Variants in ITGA11 observed in about 807,000 individuals in gnomAD.
ITGA11 encodes the protein integrin alpha-11.
A neutral mutation model predicts 141.9 loss-of-function variants in ITGA11; 97 were observed. That is an observed-to-expected ratio of 0.68 (90% CI 0.58 to 0.81). The LOEUF (loss-of-function observed/expected upper bound fraction) is 0.81. ITGA11 is among the 30% of genes least tolerant of loss of function. ITGA11 has a pLI of 0.00. For synonymous variants in ITGA11, 658 were observed against 624.6 expected, an observed-to-expected ratio of 1.05 and a Z score of -0.80; for missense variants, 1,387 against 1,559.2, an observed-to-expected ratio of 0.89 and a Z score of 1.86.
Position 68,335,088 on chromosome 15 carries a change from T to C in ITGA11, c.1425+609A>G, listed in dbSNP as rs981529443. Among the ~76,000 whole-genome samples, 1 of 151,582 alleles carries C rather than the reference T, an allele frequency of 6.6e-6. No homozygotes were observed. Among genetic ancestry groups the C allele is most frequent in the African/African-American group, 2.4e-5 (1 of 41,280 alleles). The stretch of plus-strand genomic sequence containing the variant: ...AGCCGGCAGGGAGCTGGGGACAACA[T>C]GGAAGGGCCTGGACAGCACTCAGCT... On this transcript the variant is annotated intron_variant, in intron 12 of 29. Transcript: ENST00000315757. The surrounding 1 kb of genome is among the most constrained non-coding windows in gnomAD (Gnocchi z 4.9).
intron 2 of ITGA11, among the ~76,000 whole-genome samples, chr15:68,375,289 A>G (rs1165509635): frequency 3.3e-5 from 5 of 152,142 alleles, no homozygotes; most frequent in African/African-American, 7.2e-5. Context: ...TAGGGGCATC[A>G]GGGAGGGGTT....
chr15:68,361,473 C>G, intron 5 of ITGA11, 117 bp downstream of exon 5: 6 of 676,700 alleles, frequency 8.9e-6, no homozygotes, highest in Non-Finnish European at 1.3e-5. Flanking sequence ...AGAGCTGGGG[C>G]AGGACAGTGC....
chr15:68,354,502 A>T (rs1895010172), intron 7 of ITGA11, among the ~76,000 whole-genome samples: 1 of 152,142 alleles, frequency 6.6e-6, no homozygotes, highest in Admixed American at 6.5e-5. Context: ...TACATGGCTC[A>T]CTTCCCACCA....
intron 1 of ITGA11, among the ~76,000 whole-genome samples, chr15:68,414,339 C>T (rs1162132550): frequency 2.0e-5 from 3 of 152,118 alleles, no homozygotes; most frequent in Non-Finnish European, 2.9e-5. Context: ...GGGCAGAATG[C>T]TAAGGTCAAA....
intron 1 of ITGA11, among the ~76,000 whole-genome samples, chr15:68,422,201 C>T (rs529401330): frequency 1.2e-4 from 18 of 152,228 alleles, no homozygotes; most frequent in African/African-American, 3.6e-4. Context: ...ACTCCAAGTC[C>T]GACTACTCAC....
intron 1 of ITGA11, among the ~76,000 whole-genome samples, 190 bp downstream of exon 1, chr15:68,431,825 C>A (rs1897276139): frequency 6.6e-6 from 1 of 152,256 alleles, no homozygotes; most frequent in Admixed American, 6.5e-5. Context: ...GCCTTCGCAC[C>A]TCCCTCTTTA....
Position 68,351,324 on chromosome 15 carries a change from G to C in ITGA11, c.828C>G (p.Asp276Glu). 1 of 1,614,038 alleles carries C rather than the reference G, an allele frequency of 6.2e-7. No individual in the cohort carries two copies. Among genetic ancestry groups the C allele is most frequent in the Non-Finnish European group, 8.5e-7 (1 of 1,179,890 alleles). The change falls in exon 8 of 30, where the codon GAC becomes GAG. Residue 276 changes from aspartate (D) to glutamate (E), a missense_variant. Coordinates refer to ENST00000315757, the MANE Select transcript of ITGA11 (RefSeq NM_001004439.2). The stretch of plus-strand genomic sequence containing the variant: ...GGATCACCTTCTCCAGGTCTGGGCT[G>C]TCGTGGGACTCCCCATCTGTGATGA... Reference protein sequence around the residue: ...MIVITDGESHDSPDLEKVIQQ... With the variant: ...MIVITDGESHESPDLEKVIQQ...
intron 1 of ITGA11, among the ~76,000 whole-genome samples, chr15:68,420,575 A>G (rs963866101): frequency 2.6e-5 from 4 of 152,168 alleles, no homozygotes; most frequent in African/African-American, 9.7e-5. Flanking sequence ...ATGTATACCT[A>G]CCTAGTAGCC....
chr15:68,402,591 CA>C (rs1361121972), intron 2 of ITGA11, among the ~76,000 whole-genome samples: 1 of 152,090 alleles, frequency 6.6e-6, no homozygotes, highest in Non-Finnish European at 1.5e-5. Flanking sequence ...ACACCCCCAG[CA>C]GCTCTCCAGG....
In ITGA11 at chr15:68,332,524, G is replaced by A. The variant is rs199890246; in HGVS notation, c.1426-46C>T. 2.6e-5 allele frequency: 42 copies of A among 1,597,368 alleles called. No homozygotes were observed. The Admixed American group carries it at 4.4e-4, about 17-fold the overall frequency. On this transcript the variant is annotated intron_variant, in intron 12 of 29. Coordinates refer to ENST00000315757, the MANE Select transcript of ITGA11 (RefSeq NM_001004439.2). Reference sequence around the variant, plus strand: ...GAGGAGTGGGCTGGCTGCCCAGCTCGCACAACCCAGAGCCCTCGCCTCGCG... The same window carrying A: ...GAGGAGTGGGCTGGCTGCCCAGCTCACACAACCCAGAGCCCTCGCCTCGCG...
At chr15:68,398,991 A>G (rs981478921) in intron 2 of ITGA11, among the ~76,000 whole-genome samples, 4 of 151,936 alleles carry the variant, frequency 2.6e-5, no homozygotes, top group African/African-American at 9.7e-5. Flanking sequence ...CCCTAAATTT[A>G]TCCATAAAAT....
chr15:68,426,307 T>C (rs1361849451), intron 1 of ITGA11, among the ~76,000 whole-genome samples: 1 of 152,222 alleles, frequency 6.6e-6, no homozygotes, highest in African/African-American at 2.4e-5. Flanking sequence ...GAGCAGGTTC[T>C]GATTAGCGGA....
chr15:68,395,280 A>C (rs1290067218), intron 2 of ITGA11, among the ~76,000 whole-genome samples: 1 of 152,214 alleles, frequency 6.6e-6, no homozygotes, highest in Non-Finnish European at 1.5e-5. Context: ...CCTCCAAAGG[A>C]TCGCAGATCC....
chr15:68,361,347 T>C (rs1895238262), intron 5 of ITGA11, among the ~76,000 whole-genome samples: 1 of 152,162 alleles, frequency 6.6e-6, no homozygotes, highest in Non-Finnish European at 1.5e-5. Flanking sequence ...GAGGCTGGGA[T>C]TGTCTTTGAA....
Position 68,304,813 on chromosome 15 carries a change from T to C in ITGA11, c.3382-928A>G, listed in dbSNP as rs958912485. 6.6e-6 allele frequency among the ~76,000 whole-genome samples: 1 copy of C among 152,170 alleles called. No homozygotes were observed. Among genetic ancestry groups the C allele is most frequent in the African/African-American group, 2.4e-5 (1 of 41,432 alleles). The stretch of plus-strand genomic sequence containing the variant: ...ATGTATCCATCACTGACCCTAACTC[T>C]CACACCCACACGGAGCCCAGCAGCA... On this transcript the variant is annotated intron_variant, in intron 28 of 29. Coordinates refer to ENST00000315757, the MANE Select transcript of ITGA11 (RefSeq NM_001004439.2). The surrounding 1 kb of genome is among the most constrained non-coding windows in gnomAD (Gnocchi z 6.1).
chr15:68,313,817 G>A lies in ITGA11; in HGVS notation c.2844C>T (p.Arg948=). 6.2e-7 allele frequency: 1 copy of A among 1,614,008 alleles called. No homozygotes were observed. Among genetic ancestry groups the A allele is most frequent in the Middle Eastern group, 1.6e-4 (1 of 6,062 alleles). Residue 948 remains arginine, a synonymous_variant, in exon 23 of 30, where the codon CGC becomes CGT. Transcript: ENST00000315757. ...STKEDNVAPL[R]FHLKYEADVL... ...CGTCAGCCTCGTATTTGAGGTGGAA[G>A]CGTAAGGGGGCCACGTTGTCTTCCT...
chr15:68,366,872 C>T lies in ITGA11; in HGVS notation c.266-2074G>A, dbSNP rs556419760. ...GGAAGGACAGTGCCAGTGGTAGAGT[C>T]TTTCCCACAGAGGTGTGAATGGCTG... is the stretch of plus-strand genomic sequence containing the variant. On this transcript the variant is annotated intron_variant, in intron 3 of 29. Transcript: ENST00000315757. Among the ~76,000 whole-genome samples the T allele has an allele frequency of 2.6e-5, 4 of 152,306 alleles. No individual in the cohort carries two copies. In the East Asian group the frequency reaches 7.7e-4, roughly 29 times the overall value.
At chr15:68,350,513 T>C in intron 9 of ITGA11, 104 bp downstream of exon 9, 2 of 1,137,646 alleles carry the variant, frequency 1.8e-6, no homozygotes, top group Non-Finnish European at 2.5e-6. Context: ...TACGGAAGAC[T>C]CTTGTTAAGC....
At chr15:68,343,134 T>C (rs891124577) in intron 10 of ITGA11, among the ~76,000 whole-genome samples, 3 of 152,166 alleles carry the variant, frequency 2.0e-5, no homozygotes, top group Non-Finnish European at 4.4e-5. Context: ...GAGTACTTGG[T>C]ACATGGTAGC....
Sources: allele counts gnomAD v4.1 joint callset (sites outside exome capture counted in the v4.1 genomes callset), GRCh38; gene constraint gnomAD v4.1.1; non-coding constraint Gnocchi (gnomAD v3.1); transcripts MANE v1.5; gene names NCBI Gene and HGNC (gene_info 2026-07-23, HGNC 2026-07-21).